SLC1A6: variants seen among roughly 807,000 people sequenced by gnomAD.
The protein encoded by SLC1A6 is excitatory amino acid transporter 4.
Under a neutral mutation model 42.1 loss-of-function variants are expected in SLC1A6, and 15 were observed. That is an observed-to-expected ratio of 0.36 (90% CI 0.24 to 0.55). The LOEUF (loss-of-function observed/expected upper bound fraction) is 0.55, where lower values mean the gene tolerates loss of function less well. Among genes scored for constraint, SLC1A6 ranks in the 20% least tolerant of loss-of-function variants. The pLI, the probability that SLC1A6 is intolerant of heterozygous loss-of-function variation, is 0.88. For synonymous variants in SLC1A6, 317 were observed against 319.7 expected (o/e 0.99, Z 0.09); for missense variants, 542 against 772.5 (o/e 0.70, Z 3.54).
intron 7 of SLC1A6, among the ~76,000 whole-genome samples, chr19:14,954,621 T>C (rs781102952): frequency 4.6e-5 from 7 of 151,340 alleles, no homozygotes; most frequent in Non-Finnish European, 7.4e-5. Context: ...GAGCAGGGCA[T>C]GGGCTGGGCG....
At chr19:14,958,725 A>G (rs1007014395) in intron 6 of SLC1A6, among the ~76,000 whole-genome samples, 2 of 152,160 alleles carry the variant, frequency 1.3e-5, no homozygotes, top group Non-Finnish European at 2.9e-5. Context: ...TTAATTGTGC[A>G]TGATTTCTTA....
upstream of SLC1A6, among the ~76,000 whole-genome samples, chr19:14,983,750 A>G (rs903196927): frequency 3.3e-5 from 5 of 151,052 alleles, no homozygotes; most frequent in Non-Finnish European, 7.4e-5. Context: ...AAAGGCTGTA[A>G]GGCTGTAAGG....
upstream of SLC1A6, among the ~76,000 whole-genome samples, chr19:14,981,658 C>T (rs1024126706): frequency 2.0e-5 from 3 of 152,180 alleles, no homozygotes; most frequent in East Asian, 1.9e-4. Context: ...ACAGAGCCCT[C>T]GGTCTGTCAC....
At chr19:14,998,855 CATTTATTTATTTATTT>C (rs56926151) in intron 1 of SLC1A6, among the ~76,000 whole-genome samples, 93 of 128,220 alleles carry the variant, frequency 7.3e-4, no homozygotes, top group Admixed American at 1.4e-3. Flanking sequence ...TGATAAGAAA[CATTTATTTATTTATTT>C]ATTTATTTAT....
At chr19:14,972,399 A>G (rs1432001225) in intron 2 of SLC1A6, among the ~76,000 whole-genome samples, 3 of 152,124 alleles carry the variant, frequency 2.0e-5, no homozygotes, top group Admixed American at 2.0e-4. Context: ...TGCACCTATA[A>G]GTTCAATGCA....
intron 6 of SLC1A6, among the ~76,000 whole-genome samples, chr19:14,959,974 C>T (rs1237622526): frequency 6.6e-6 from 1 of 152,184 alleles, no homozygotes; most frequent in African/African-American, 2.4e-5. Flanking sequence ...TCTGTCTCCC[C>T]TAAGATTTTG....
Position 15,002,656 on chromosome 19 carries a change from C to T in SLC1A6, c.6+7829G>A, listed in dbSNP as rs563514176. The stretch of plus-strand genomic sequence containing the variant: ...CAGGGCCATCTGAAGATGCCTAACC[C>T]AGCTGAAAAAGAAATCCATCATATT... On this transcript the variant is annotated intron_variant, in intron 1 of 8. Transcript: ENST00000430939. 5.9e-5 allele frequency among the ~76,000 whole-genome samples: 9 copies of T among 152,268 alleles called. No individual in the cohort carries two copies. The East Asian group carries it at 1.5e-3, about 26-fold the overall frequency.
chr19:14,977,458 C>T (rs1548545), intron 1 of SLC1A6: 51,477 of 151,986 alleles, frequency 0.34, 8,964 homozygotes, highest in African/African-American at 0.37. Flanking sequence ...AAAAAATTTG[C>T]TGACCCCTGG....
chr19:14,973,007 G>T, intron 1 of SLC1A6, 90 bp from the exon 2 acceptor site: 1 of 1,002,806 alleles, frequency 1.0e-6, no homozygotes, highest in Non-Finnish European at 1.4e-6. Context: ...GGTAATGAGC[G>T]CTTCCTGAGG....
Position 14,950,329 on chromosome 19 carries a change from G to A in SLC1A6, c.1561C>T (p.His521Tyr), listed in dbSNP as rs2045398719. 6.2e-7 allele frequency: 1 copy of A among 1,611,602 alleles called. No individual in the cohort carries two copies. The highest frequency in any genetic ancestry group is 2.2e-5 in the East Asian group (1 of 44,770). ...GDSIGAAVIEHLSQRELELQE... is the reference protein window; with the variant it reads ...GDSIGAAVIEYLSQRELELQE... ...AGCTCCAGCTCCCGCTGAGACAAGT[G>A]CTCGATGACGGCCGCTCCAATTGAG... The change falls in exon 10 of 10, where the codon CAC becomes TAC. Residue 521 changes from histidine to tyrosine, a missense_variant. By Grantham distance (83) the His-to-Tyr change is moderately conservative. Transcript: ENST00000594383.
rs570483666 is a variant in SLC1A6, at chr19:15,002,090, A to G, written c.6+8395T>C. ...TATTTCTCTTTTATTTTATTTTATT[A>G]TTGTTTTATTTTGTTTTGAGACAGG... On this transcript the variant is annotated intron_variant, in intron 1 of 8. Coordinates refer to the SLC1A6 transcript ENST00000430939. Among the ~76,000 whole-genome samples, 5 of 151,624 alleles carry G rather than the reference A, an allele frequency of 3.3e-5. No homozygotes were observed. The East Asian group carries it at 9.8e-4, about 30-fold the overall frequency.
At chr19:14,985,945 G>A (rs1376835281) in intron 1 of SLC1A6, among the ~76,000 whole-genome samples, 2 of 151,892 alleles carry the variant, frequency 1.3e-5, no homozygotes, top group Admixed American at 6.6e-5. Flanking sequence ...GCAGCAGAGC[G>A]AGACTCTGTC....
intron 1 of SLC1A6, among the ~76,000 whole-genome samples, chr19:14,998,630 A>T (rs1473093081): frequency 2.6e-5 from 4 of 152,268 alleles, no homozygotes; most frequent in East Asian, 1.9e-4. Flanking sequence ...CCAAATTCCA[A>T]ATTACTTTAG....
chr19:14,986,639 G>T (rs984417447), intron 1 of SLC1A6, among the ~76,000 whole-genome samples: 5 of 150,894 alleles, frequency 3.3e-5, no homozygotes, highest in African/African-American at 1.2e-4. Context: ...CACCCAGGCT[G>T]GAGTGCAGTG....
chr19:14,968,308 C>G lies in SLC1A6; in HGVS notation c.543G>C (p.Leu181=). Residue 181 remains leucine (L), a synonymous_variant, in exon 4 of 10, where the codon CTG becomes CTC. Transcript: ENST00000594383. Reference sequence around the variant, plus strand: ...GGTTTTTTAGGTTGGCACACCTGATCAGGTCCATGAAGGCATCAGCTGTGG... The same window carrying G: ...GGTTTTTTAGGTTGGCACACCTGATGAGGTCCATGAAGGCATCAGCTGTGG... ...TIPTADAFMD[L]IRNMFPPNLV... The G allele has an allele frequency of 6.2e-7, 1 of 1,611,562 alleles. No homozygotes were observed. Among genetic ancestry groups the G allele is most frequent in the Non-Finnish European group, 8.5e-7 (1 of 1,178,432 alleles).
intron 1 of SLC1A6, among the ~76,000 whole-genome samples, chr19:15,003,908 C>T (rs2045884156): frequency 6.6e-6 from 1 of 152,118 alleles, no homozygotes; most frequent in African/African-American, 2.4e-5. Flanking sequence ...GTAATCCTAG[C>T]ACTTTGGGAG....
At chr19:14,963,603 A>T (rs192415675) in intron 5 of SLC1A6, among the ~76,000 whole-genome samples, 24 of 152,356 alleles carry the variant, frequency 1.6e-4, no homozygotes, top group Middle Eastern at 3.4e-3. Context: ...TAAATAAATT[A>T]AAAATATTTT....
At chr19:14,957,335 A>G (rs1373691447) in intron 6 of SLC1A6, among the ~76,000 whole-genome samples, 5 of 152,134 alleles carry the variant, frequency 3.3e-5, no homozygotes, top group Non-Finnish European at 7.3e-5. Context: ...TATGGACTAA[A>G]TGTTTATGTC....
At chr19:14,993,405 T>C (rs2045830370) in intron 1 of SLC1A6, among the ~76,000 whole-genome samples, 1 of 152,134 alleles carries the variant, frequency 6.6e-6, no homozygotes, top group South Asian at 2.1e-4. Context: ...CTAAAGTCAC[T>C]GAACCGTCAA....
Sources: gnomAD v4.1 joint callset for allele counts (sites outside exome capture counted in the v4.1 genomes callset) on GRCh38, gnomAD v4.1.1 for gene constraint, MANE v1.5 for transcripts, NCBI Gene and HGNC (gene_info 2026-07-23, HGNC 2026-07-21) for gene names.